C1QTNF3: variants seen among roughly 807,000 people sequenced by gnomAD.
The protein encoded by C1QTNF3 is complement C1q tumor necrosis factor-related protein 3.
Under a neutral mutation model 32.6 loss-of-function variants are expected in C1QTNF3, and 26 were observed. The observed-to-expected ratio is 0.80, with a 90% CI of 0.58 to 1.11. C1QTNF3 has a LOEUF of 1.11. Ranked by LOEUF, C1QTNF3 falls within the 50% of genes least tolerant of loss-of-function variation. The pLI is 0.00. For synonymous variants in C1QTNF3, 155 were observed against 146.0 expected (o/e 1.06, Z -0.44); for missense variants, 362 against 398.2 (o/e 0.91, Z 0.77).
chr5:34,028,896 T>TTA lies in C1QTNF3; in HGVS notation c.571-15_571-14dup. The TTA allele has an allele frequency of 6.2e-7, 1 of 1,604,194 alleles. No individual in the cohort carries two copies. Among genetic ancestry groups the TTA allele is most frequent in the Non-Finnish European group, 8.5e-7 (1 of 1,175,206 alleles). On this transcript the variant is annotated splice_polypyrimidine_tract_variant and intron_variant, in intron 3 of 5. Coordinates refer to ENST00000382065, the MANE Select transcript of C1QTNF3 (RefSeq NM_181435.6). ...CCATGAATGCAATCTAAGGAAAGAA[T>TTA]TATTGGTCAATAAATAGGCAATTTA...
intron 3 of C1QTNF3, among the ~76,000 whole-genome samples, chr5:34,031,193 C>A (rs1754604328): frequency 6.6e-6 from 1 of 152,156 alleles, no homozygotes; most frequent in Non-Finnish European, 1.5e-5. Context: ...GTCATTGAAA[C>A]TGAGTGTAAG....
At chr5:34,085,158 T>C in the C1QTNF3 span, among the ~76,000 whole-genome samples, 9 of 149,620 alleles carry the variant, frequency 6.0e-5, 1 homozygote, top group African/African-American at 2.3e-4. Context: ...GCCCGGCTAA[T>C]TTTTTGTGTT....
At chr5:34,030,583 A>C (rs1754588173) in intron 3 of C1QTNF3, among the ~76,000 whole-genome samples, 1 of 152,236 alleles carries the variant, frequency 6.6e-6, no homozygotes, top group African/African-American at 2.4e-5. Flanking sequence ...GAAGTTCAAA[A>C]TACAAAATGT....
chr5:34,113,650 A>G, the C1QTNF3 span, among the ~76,000 whole-genome samples: 1 of 152,150 alleles, frequency 6.6e-6, no homozygotes, highest in Non-Finnish European at 1.5e-5. Flanking sequence ...AAATTTCTAC[A>G]TTACATCTTT....
chr5:34,031,702 T>A (rs1017805219), intron 3 of C1QTNF3, among the ~76,000 whole-genome samples: 1 of 151,978 alleles, frequency 6.6e-6, no homozygotes, highest in Non-Finnish European at 1.5e-5. Context: ...GGGCATGGTG[T>A]CACGCACCTG....
At chr5:34,114,192 T>C in the C1QTNF3 span, among the ~76,000 whole-genome samples, 3 of 152,202 alleles carry the variant, frequency 2.0e-5, no homozygotes, top group African/African-American at 7.2e-5. Flanking sequence ...AGTTACACTG[T>C]ACCGTCTGCT....
upstream of C1QTNF3, among the ~76,000 whole-genome samples, chr5:34,045,183 C>A (rs371044833): frequency 1.3e-5 from 2 of 152,224 alleles, no homozygotes; most frequent in African/African-American, 2.4e-5. Context: ...GCATCCCCCA[C>A]GAAGTGGGCC....
At chr5:34,033,139 G>GTA in intron 3 of C1QTNF3, 165 bp downstream of exon 3, 1 of 721,536 alleles carries the variant, frequency 1.4e-6, no homozygotes. Context: ...CTTTTGGACA[G>GTA]TATGGGCCTT....
upstream of C1QTNF3, among the ~76,000 whole-genome samples, chr5:34,047,872 ATAGATAT>A (rs1755013139): frequency 1.3e-5 from 2 of 152,196 alleles, no homozygotes; most frequent in Non-Finnish European, 2.9e-5. Flanking sequence ...GACATTGCCT[ATAGATAT>A]TAGATATTGC....
the C1QTNF3 span, among the ~76,000 whole-genome samples, chr5:34,154,040 A>AAAG: frequency 1.3e-5 from 2 of 151,370 alleles, no homozygotes; most frequent in Non-Finnish European, 1.5e-5. Context: ...AATAAAAAAA[A>AAAG]AAAATGTCAT....
the C1QTNF3 span, among the ~76,000 whole-genome samples, chr5:34,197,636 C>T: frequency 6.6e-6 from 1 of 152,002 alleles, no homozygotes. Context: ...GGTTCTGACT[C>T]GAAGTCTCTC....
chr5:34,178,104 TAAA>T, the C1QTNF3 span, among the ~76,000 whole-genome samples: 67 of 76,456 alleles, frequency 8.8e-4, 1 homozygote, highest in Middle Eastern at 6.8e-3. Context: ...TCATCTCTAC[TAAA>T]AAAAAAAAAA....
At chr5:34,069,415 T>C in the C1QTNF3 span, among the ~76,000 whole-genome samples, 1 of 152,210 alleles carries the variant, frequency 6.6e-6, no homozygotes, top group East Asian at 1.9e-4. Context: ...CAGATATTTC[T>C]ACTTTTTGTG....
At chr5:34,048,289 T>TGAGAGAGAGAGAGAGAGAGA in the C1QTNF3 span, among the ~76,000 whole-genome samples, 73 of 141,168 alleles carry the variant, frequency 5.2e-4, 1 homozygote, top group African/African-American at 1.6e-3. Flanking sequence ...TGTGTGTGCA[T>TGAGAGAGAGAGAGAGAGAGA]GAGAGAGAGA....
chr5:34,155,269 C>G, the C1QTNF3 span, among the ~76,000 whole-genome samples: 1 of 152,120 alleles, frequency 6.6e-6, no homozygotes, highest in Non-Finnish European at 1.5e-5. Context: ...GAATCTTAAG[C>G]CTGTGTTATT....
chr5:34,094,039 C>A, the C1QTNF3 span, among the ~76,000 whole-genome samples: 1 of 152,110 alleles, frequency 6.6e-6, no homozygotes, highest in Non-Finnish European at 1.5e-5. Flanking sequence ...ACCAGGATGC[C>A]CAGAAAACAC....
chr5:34,049,616 G>A, the C1QTNF3 span, among the ~76,000 whole-genome samples: 1 of 152,236 alleles, frequency 6.6e-6, no homozygotes, highest in Non-Finnish European at 1.5e-5. Flanking sequence ...ATCTTGCTTA[G>A]CTACAGCAGG....
At chr5:34,076,920 T>A in the C1QTNF3 span, among the ~76,000 whole-genome samples, 2 of 151,558 alleles carry the variant, frequency 1.3e-5, no homozygotes, top group Admixed American at 1.3e-4. Flanking sequence ...CAAACATGAT[T>A]TATGGCAAGA....
the C1QTNF3 span, among the ~76,000 whole-genome samples, chr5:34,195,452 G>C: frequency 0.55 from 73,966 of 135,226 alleles, 22,071 homozygotes; most frequent in Non-Finnish European, 0.69. Flanking sequence ...AAAAGCTGTC[G>C]TTGGAGAGAA....
Sources: gnomAD v4.1 joint callset for allele counts (sites outside exome capture counted in the v4.1 genomes callset) on GRCh38, gnomAD v4.1.1 for gene constraint, MANE v1.5 for transcripts, NCBI Gene and HGNC (gene_info 2026-07-23, HGNC 2026-07-21) for gene names.